Variants in TCF4 observed in about 807,000 individuals in gnomAD.
TCF4 encodes SL3-3 enhancer factor 2.
In TCF4, 3 loss-of-function variants were observed where a neutral mutation model predicts 82.1. That is an observed-to-expected ratio of 0.04 (90% confidence interval 0.02 to 0.09). TCF4 has a LOEUF of 0.09. TCF4 is among the 10% of genes least tolerant of loss of function. The probability of loss-of-function intolerance (pLI) is 1.00; values close to 1 mark genes in which losing one functional copy is unlikely to be tolerated. For synonymous variants in TCF4, 276 were observed against 309.6 expected (o/e 0.89, Z 1.14); for missense variants, 518 against 852.7 (o/e 0.61, Z 4.89).
intron 3 of TCF4, among the ~76,000 whole-genome samples, chr18:55,536,927 G>A (rs1231251890): frequency 4.0e-5 from 6 of 151,522 alleles, no homozygotes; most frequent in Non-Finnish European, 8.8e-5. Flanking sequence ...GAGGTCAGGA[G>A]ATCGAGAACA....
At chr18:55,578,282 T>C (rs2097546812) in intron 3 of TCF4, among the ~76,000 whole-genome samples, 1 of 152,098 alleles carries the variant, frequency 6.6e-6, no homozygotes, top group African/African-American at 2.4e-5. Context: ...TTAAGAAATA[T>C]ACAGTTGGTA....
At chr18:55,458,241 G>A (rs901065751) in intron 5 of TCF4, among the ~76,000 whole-genome samples, 1 of 152,192 alleles carries the variant, frequency 6.6e-6, no homozygotes, top group East Asian at 1.9e-4. Context: ...TTACCCTGAT[G>A]CGACATCACA....
At chr18:55,621,844 C>T (rs1413927008) in intron 2 of TCF4, among the ~76,000 whole-genome samples, 3 of 53,578 alleles carry the variant, frequency 5.6e-5, no homozygotes, top group Admixed American at 4.1e-4. Context: ...ACACTATATA[C>T]AATGTATGTA....
chr18:55,487,701 C>A (rs765236828), intron 3 of TCF4, among the ~76,000 whole-genome samples: 1 of 150,228 alleles, frequency 6.7e-6, no homozygotes, highest in Non-Finnish European at 1.5e-5. Context: ...GTGAGGGGAT[C>A]GATAAAAAAA....
chr18:55,625,312 C>T (rs2097725473), intron 2 of TCF4, among the ~76,000 whole-genome samples: 1 of 150,744 alleles, frequency 6.6e-6, no homozygotes. Context: ...GATCTCGGCT[C>T]ACTGCAACCT....
rs991618857 is a variant in TCF4, at chr18:55,400,962, CAGA to C, written c.369+2489_369+2491del. 1.6e-5 allele frequency: 21 copies of C among 1,288,966 alleles called. 1 individual carries two copies. In the African/African-American group the frequency reaches 2.9e-4, roughly 18 times the overall value. The allele number at this position is 1,288,966 out of a possible 1,614,324, so 79.8% of individuals were successfully genotyped here. ...TTCCGTATCTCAATCATGTAGTAAA[CAGA>C]AGAAAACAAAAGCCTCCCCTCCACG... On this transcript the variant is annotated intron_variant, in intron 6 of 19. Coordinates refer to ENST00000354452, the MANE Select transcript of TCF4 (RefSeq NM_001083962.2).
chr18:55,396,354 T>C (rs1016792356), intron 6 of TCF4, among the ~76,000 whole-genome samples: 2 of 152,226 alleles, frequency 1.3e-5, no homozygotes, highest in African/African-American at 2.4e-5. Flanking sequence ...TGGCACCTAA[T>C]ACTAGTTACT....
intron 8 of TCF4, among the ~76,000 whole-genome samples, chr18:55,344,062 C>G (rs1354886223): frequency 6.6e-6 from 1 of 152,162 alleles, no homozygotes; most frequent in African/African-American, 2.4e-5. Context: ...ACAACTTTGA[C>G]AATTCTTGAA....
At chr18:55,268,772 CTAAGAGG>C (rs2059732646) in intron 11 of TCF4, 1 of 152,168 alleles carries the variant, frequency 6.6e-6, no homozygotes, top group Admixed American at 6.6e-5. Context: ...GTGCAAAGAG[CTAAGAGG>C]ACTCAACAGC....
chr18:55,457,630 A>C (rs968381341), intron 5 of TCF4, among the ~76,000 whole-genome samples: 2 of 152,122 alleles, frequency 1.3e-5, no homozygotes, highest in Non-Finnish European at 2.9e-5. Flanking sequence ...GGACCACAGA[A>C]GTGTGCCACC....
At chr18:55,605,944 A>G (rs1322965704) in intron 2 of TCF4, among the ~76,000 whole-genome samples, 1 of 152,204 alleles carries the variant, frequency 6.6e-6, no homozygotes, top group East Asian at 1.9e-4. Flanking sequence ...ATCAGCTGTG[A>G]ACTTATTAGA....
At chr18:55,545,480 AC>A (rs2097198392) in intron 3 of TCF4, among the ~76,000 whole-genome samples, 1 of 152,006 alleles carries the variant, frequency 6.6e-6, no homozygotes, top group South Asian at 2.1e-4. Context: ...ACACTGTCTC[AC>A]CATGTTACTC....
intron 8 of TCF4, 21 bp downstream of exon 8, chr18:55,350,338 G>C: frequency 6.2e-7 from 1 of 1,611,710 alleles, no homozygotes; most frequent in South Asian, 1.1e-5. Context: ...AATATACAAA[G>C]CAGAAACAAG....
chr18:55,447,425 T>G (rs987655099), intron 5 of TCF4, among the ~76,000 whole-genome samples: 4 of 152,190 alleles, frequency 2.6e-5, no homozygotes, highest in African/African-American at 9.7e-5. Context: ...TTATCTGATA[T>G]CTACCTGATT....
chr18:55,530,457 G>A (rs1241985473), intron 3 of TCF4, among the ~76,000 whole-genome samples: 2 of 147,564 alleles, frequency 1.4e-5, no homozygotes, highest in South Asian at 4.3e-4. Context: ...AATCTATATA[G>A]AAGAAACAGA....
At chr18:55,333,036 T>C (rs1449479951) in intron 8 of TCF4, among the ~76,000 whole-genome samples, 1 of 152,238 alleles carries the variant, frequency 6.6e-6, no homozygotes, top group Non-Finnish European at 1.5e-5. Context: ...TTACTAAATA[T>C]ATGTGAACAA....
chr18:55,291,530 C>CT (rs568391691), intron 8 of TCF4, among the ~76,000 whole-genome samples: 199 of 152,210 alleles, frequency 1.3e-3, no homozygotes, highest in African/African-American at 4.7e-3. Flanking sequence ...TACGAATTAT[C>CT]TTTTTTCTGT....
chr18:55,250,968 G>C lies in TCF4; in HGVS notation c.1350+3529C>G, dbSNP rs147008292. Reference sequence around the variant, plus strand: ...AGGCTTCCTGGAAGAAGAATGATTTGAGTCAGTGCTTTGAGAATGGGTGGG... The same window carrying C: ...AGGCTTCCTGGAAGAAGAATGATTTCAGTCAGTGCTTTGAGAATGGGTGGG... On this transcript the variant is annotated intron_variant, in intron 15 of 19. Transcript: ENST00000354452. Among the ~76,000 whole-genome samples the C allele has an allele frequency of 1.1e-4, 16 of 152,282 alleles. No individual in the cohort carries two copies. The East Asian group carries it at 3.1e-3, about 29-fold the overall frequency.
intron 8 of TCF4, among the ~76,000 whole-genome samples, chr18:55,295,204 T>C (rs144972687): frequency 6.6e-6 from 1 of 152,214 alleles, no homozygotes; most frequent in Non-Finnish European, 1.5e-5. Flanking sequence ...GCATGTGTTG[T>C]ACCATGTGTT....
Sources: gnomAD v4.1 joint callset for allele counts (sites outside exome capture counted in the v4.1 genomes callset) on GRCh38, gnomAD v4.1.1 for gene constraint, MANE v1.5 for transcripts, NCBI Gene and HGNC (gene_info 2026-07-23, HGNC 2026-07-21) for gene names.